Variants in NOP2 observed in about 807,000 individuals in gnomAD.
The protein encoded by NOP2 is 28S rRNA (cytosine(4447)-C(5))-methyltransferase.
Under a neutral mutation model 72.7 loss-of-function variants are expected in NOP2, and 7 were observed. That is an observed-to-expected ratio of 0.10 (90% confidence interval 0.05 to 0.18). The LOEUF is 0.18. NOP2 is among the 10% of genes least tolerant of loss of function. The pLI is 1.00. For synonymous variants in NOP2, 387 were observed against 388.0 expected (o/e 1.00, Z 0.03); for missense variants, 954 against 1,014.7 (o/e 0.94, Z 0.81).
At position 6,560,345 on chromosome 12, in the gene NOP2, CAAAG is replaced by C; in HGVS notation, c.1561-23_1561-20del. ...CTTCTACCTGGATGTGGGGGGAAGACAAAGAACGGAGGAAAAAGCAGAGCTGGAG... is the reference window on the plus strand; with the variant it reads ...CTTCTACCTGGATGTGGGGGGAAGACAACGGAGGAAAAAGCAGAGCTGGAG... On this transcript the variant is annotated intron_variant, in intron 14 of 15. Transcript: ENST00000322166. This position sits in a 1 kb window ranked among gnomAD's most constrained non-coding sequence, Gnocchi z 5.0. 1 of 1,610,400 alleles carries C rather than the reference CAAAG, an allele frequency of 6.2e-7. No individual in the cohort carries two copies. The highest frequency in any genetic ancestry group is 1.1e-5 in the South Asian group (1 of 91,008).
chr12:6,566,875 A>T, intron 2 of NOP2, 53 bp from the exon 3 acceptor site: 3 of 1,445,246 alleles, frequency 2.1e-6, no homozygotes, highest in Non-Finnish European at 2.9e-6. Flanking sequence ...CATTAAAAAT[A>T]AATGGGAACG....
chr12:6,566,283 A>G lies in NOP2; in HGVS notation c.292T>C (p.Phe98Leu), dbSNP rs759539652. The change falls in exon 5 of 16, where the codon TTT becomes CTT. Residue 98 changes from phenylalanine (F) to leucine (L), a missense_variant. Coordinates refer to ENST00000322166, the MANE Select transcript of NOP2 (RefSeq NM_001258308.2). Reference protein sequence around the residue: ...TAGKKGPQSLFNAPRGKKRPA... With the variant: ...TAGKKGPQSLLNAPRGKKRPA... The stretch of plus-strand genomic sequence containing the variant: ...CGCTTCTTGCCTCGAGGAGCATTAA[A>G]TAGGGACTGGGGTCCCTTCTTACCA... 1 of 1,613,976 alleles carries G rather than the reference A, an allele frequency of 6.2e-7. No individual in the cohort carries two copies. Among genetic ancestry groups the G allele is most frequent in the South Asian group, 1.1e-5 (1 of 91,086 alleles).
chr12:6,558,040 C>T (rs1947544717), intron 15 of NOP2: 1 of 344,916 alleles, frequency 2.9e-6, no homozygotes, highest in African/African-American at 2.3e-5. Context: ...ACTTGGGAGT[C>T]TGAGGCACAA....
intron 15 of NOP2, among the ~76,000 whole-genome samples, chr12:6,558,831 G>A (rs2136167703): frequency 6.6e-6 from 1 of 152,080 alleles, no homozygotes; most frequent in African/African-American, 2.4e-5. Context: ...AAAGTACTGG[G>A]ATTTATAGGC....
intron 2 of NOP2, 143 bp downstream of exon 2, chr12:6,567,673 G>A: frequency 1.6e-6 from 1 of 626,184 alleles, no homozygotes; most frequent in South Asian, 2.1e-5. Context: ...AATCTAAACG[G>A]CTGTTTCATT....
rs1157451473 is a variant in NOP2, at chr12:6,563,345, G to C, written c.858C>G (p.Gly286=). The C allele has an allele frequency of 6.3e-7, 1 of 1,599,834 alleles. No individual in the cohort carries two copies. Among genetic ancestry groups the C allele is most frequent in the African/African-American group, 1.3e-5 (1 of 74,576 alleles). ...IYYSYGDFLL[G]KLMDLFPLSE... is the part of the protein sequence containing the mutation. ...ACAGAGGGAAGAGGTCCATGAGCTT[G>C]CCAAGCAGGAAGTCTCCATAGGAGT... Residue 286 remains glycine, a synonymous_variant, in exon 8 of 16, where the codon GGC becomes GGG. Coordinates refer to ENST00000322166, the MANE Select transcript of NOP2 (RefSeq NM_001258308.2).
At position 6,563,633 on chromosome 12, in the gene NOP2, AG is replaced by A; in HGVS notation, c.668del (p.Pro223LeufsTer45). On this transcript the variant is annotated frameshift_variant, in exon 7 of 16. Coordinates refer to ENST00000322166, the MANE Select transcript of NOP2 (RefSeq NM_001258308.2). LOFTEE classifies it high-confidence loss of function. ...NVDEEPFVLP[P>X]AGEMEQDAQA... Reference sequence around the variant, plus strand: ...GGATATCCTGCTCCATCTCCCCAGCAGGGGGCAGCACAAATGGTTCCTCATC... The same window carrying A: ...GGATATCCTGCTCCATCTCCCCAGCAGGGGCAGCACAAATGGTTCCTCATC... 1 of 1,612,670 alleles carries A rather than the reference AG, an allele frequency of 6.2e-7. No individual in the cohort carries two copies. The highest frequency in any genetic ancestry group is 8.5e-7 in the Non-Finnish European group (1 of 1,179,246).
intron 9 of NOP2, among the ~76,000 whole-genome samples, chr12:6,562,395 T>C (rs1947675585): frequency 6.6e-6 from 1 of 152,206 alleles, no homozygotes; most frequent in South Asian, 2.1e-4. Flanking sequence ...ACAACTCCTA[T>C]AGTGCTTACT....
chr12:6,566,600 A>G lies in NOP2; in HGVS notation c.167T>C (p.Leu56Ser), dbSNP rs1451647577. Residue 56 changes from leucine to serine, a missense_variant, in exon 4 of 16, where the codon TTG (leucine) becomes TCG (serine). Physicochemically the swap from Leu to Ser is moderately radical, Grantham distance 145 (BLOSUM62 -2). This residue lies in a region of NOP2 where 498 missense variants were observed against 478.3 expected (regional missense o/e 1.04). Coordinates refer to ENST00000322166, the MANE Select transcript of NOP2 (RefSeq NM_001258308.2). ...TGTCTTAGGGGCTTCAACAGAGCCC[A>G]ATCTCCTCTTGGCTGCCCTGAAAAG... ...RARKRAAKRR[L>S]GSVEAPKTNK... 1.2e-6 allele frequency: 2 copies of G among 1,613,880 alleles called. No homozygotes were observed. Among genetic ancestry groups the G allele is most frequent in the East Asian group, 2.2e-5 (1 of 44,888 alleles).
chr12:6,563,527 AG>A lies in NOP2; in HGVS notation c.689-14del. 6.2e-7 allele frequency: 1 copy of A among 1,612,616 alleles called. No homozygotes were observed. The highest frequency in any genetic ancestry group is 1.7e-5 in the Admixed American group (1 of 59,796). ...GGAGCCTGGGCATGTGGGCCTGTTA[AG>A]GAACTGTGTCATGATGTCCTAAGGC... On this transcript the variant is annotated splice_polypyrimidine_tract_variant and intron_variant, in intron 7 of 15. Coordinates refer to ENST00000322166, the MANE Select transcript of NOP2 (RefSeq NM_001258308.2).
chr12:6,559,325 T>C (rs1466888640), intron 15 of NOP2, among the ~76,000 whole-genome samples: 2 of 152,166 alleles, frequency 1.3e-5, no homozygotes. Flanking sequence ...TTCACTGTGT[T>C]AGCCAGGATG....
intron 1 of NOP2, 111 bp from the exon 2 acceptor site, chr12:6,568,033 G>T: frequency 1.3e-6 from 1 of 749,328 alleles, no homozygotes; most frequent in Non-Finnish European, 2.2e-6. Context: ...CTCAGCACCC[G>T]CAACTCACTC....
intron 2 of NOP2, 44 bp from the exon 3 acceptor site, chr12:6,566,866 A>T (rs905710795): frequency 2.6e-6 from 4 of 1,519,706 alleles, no homozygotes; most frequent in Non-Finnish European, 3.6e-6. Flanking sequence ...TACAGGGGAC[A>T]TTAAAAATAA....
At chr12:6,563,215 C>A (rs781770838) in intron 8 of NOP2, 45 bp from the exon 9 acceptor site, 14 of 1,556,844 alleles carry the variant, frequency 9.0e-6, no homozygotes, top group Non-Finnish European at 1.1e-5. Flanking sequence ...GGCTAAGGAG[C>A]TCAGTCAGAA....
At chr12:6,565,008 G>C (rs936696047) in intron 5 of NOP2, among the ~76,000 whole-genome samples, 6 of 152,084 alleles carry the variant, frequency 3.9e-5, no homozygotes, top group Non-Finnish European at 8.8e-5. Flanking sequence ...TGCACATGGG[G>C]ACCTTCTCTT....
chr12:6,560,351 A>G lies in NOP2; in HGVS notation c.1561-25T>C, dbSNP rs1947612364. 6.2e-7 allele frequency: 1 copy of G among 1,609,856 alleles called. No individual in the cohort carries two copies. The highest frequency in any genetic ancestry group is 1.1e-5 in the South Asian group (1 of 91,024). On this transcript the variant is annotated intron_variant, in intron 14 of 15. Transcript: ENST00000322166. This position sits in a 1 kb window ranked among gnomAD's most constrained non-coding sequence, Gnocchi z 5.0. Reference sequence around the variant, plus strand: ...CCTGGATGTGGGGGGAAGACAAAGAACGGAGGAAAAAGCAGAGCTGGAGCT... The same window carrying G: ...CCTGGATGTGGGGGGAAGACAAAGAGCGGAGGAAAAAGCAGAGCTGGAGCT...
At position 6,563,298 on chromosome 12, in the gene NOP2, T is replaced by C. The variant is rs567220671; in HGVS notation, c.888+17A>G. The C allele has an allele frequency of 2.5e-4, 400 of 1,575,358 alleles. 5 individuals are homozygous for C. In the South Asian group the frequency reaches 4.3e-3, roughly 17 times the overall value. ...CGAGAAAAGAAAAGCAAAAGAGGCA[T>C]TCTGGCAATCCAGTACCTCAGACAG... On this transcript the variant is annotated intron_variant, in intron 8 of 15. Transcript: ENST00000322166.
chr12:6,565,981 A>C, intron 5 of NOP2, 120 bp downstream of exon 5: 1 of 779,366 alleles, frequency 1.3e-6, no homozygotes, highest in Non-Finnish European at 2.1e-6. Flanking sequence ...GTGATGGAGC[A>C]CAAAAACCCC....
intron 2 of NOP2, among the ~76,000 whole-genome samples, chr12:6,567,117 T>C (rs543735232): frequency 6.6e-6 from 1 of 151,982 alleles, no homozygotes; most frequent in Non-Finnish European, 1.5e-5. Flanking sequence ...ACCCAGCTAA[T>C]TGTTGTATTT....
Sources: allele counts gnomAD v4.1 joint callset (sites outside exome capture counted in the v4.1 genomes callset), GRCh38; gene constraint gnomAD v4.1.1; regional missense constraint gnomAD v4.1.1; non-coding constraint Gnocchi (gnomAD v3.1); transcripts MANE v1.5; gene names NCBI Gene and HGNC (gene_info 2026-07-23, HGNC 2026-07-21).